The following AK4 variants were observed in gnomAD, a reference collection of about 807,000 sequenced individuals.
AK4 encodes the protein adenylate kinase 4.
AK4 carries 13 observed loss-of-function variants against 24.6 expected under a neutral mutation model. That is an observed-to-expected ratio of 0.53 (90% CI 0.34 to 0.84). The LOEUF (loss-of-function observed/expected upper bound fraction) is 0.84, where lower values mean the gene tolerates loss of function less well. Ranked by LOEUF, AK4 falls within the 40% of genes least tolerant of loss-of-function variation. The pLI, the probability that AK4 is intolerant of heterozygous loss-of-function variation, is 0.01. For missense variants in AK4, 192 were observed against 288.2 expected (o/e 0.67, Z 2.42); for synonymous variants, 88 against 107.0 (o/e 0.82, Z 1.10).
chr1:65,195,589 G>T (rs1031436213), intron 2 of AK4, among the ~76,000 whole-genome samples: 2 of 152,186 alleles, frequency 1.3e-5, no homozygotes, highest in African/African-American at 4.8e-5. Flanking sequence ...CCCGGGTGCT[G>T]CCAGACTGCC....
chr1:65,177,561 T>G (rs1650759280), intron 1 of AK4, among the ~76,000 whole-genome samples: 3 of 152,216 alleles, frequency 2.0e-5, no homozygotes, highest in African/African-American at 7.2e-5. Flanking sequence ...CGGTAAATTG[T>G]TTCCTTAATG....
In AK4 at chr1:65,228,577, C is replaced by T. The variant is rs938203843; in HGVS notation, c.*2400C>T. On this transcript the variant is annotated 3_prime_UTR_variant, in exon 5 of 5. Coordinates refer to ENST00000327299, the MANE Select transcript of AK4 (RefSeq NM_013410.4). ...GGTCTTTGAAACATAATGCTTATTT[C>T]GTGGTCAATGGCTTTAAAAAAATCT... 3.3e-5 allele frequency: 5 copies of T among 152,106 alleles called. No individual in the cohort carries two copies. The highest frequency in any genetic ancestry group is 1.9e-4 in the East Asian group (1 of 5,182). 9.4% of individuals were successfully genotyped at this position (152,106 alleles called of 1,614,324 possible).
chr1:65,189,238 TG>T (rs1409005231), intron 1 of AK4, among the ~76,000 whole-genome samples: 9 of 151,414 alleles, frequency 5.9e-5, no homozygotes, highest in Admixed American at 5.9e-4. Flanking sequence ...CCTGGCTCTT[TG>T]TGTTTTTTAA....
chr1:65,189,530 G>A (rs113166783), intron 1 of AK4, among the ~76,000 whole-genome samples: 65 of 152,038 alleles, frequency 4.3e-4, no homozygotes, highest in African/African-American at 1.5e-3. Flanking sequence ...TGCCTGCCTC[G>A]GCTTCCCAAA....
chr1:65,212,007 G>C (rs1651986466), intron 2 of AK4, among the ~76,000 whole-genome samples: 1 of 152,192 alleles, frequency 6.6e-6, no homozygotes, highest in Admixed American at 6.5e-5. Flanking sequence ...AGCAAAAGCA[G>C]AGGGAATATG....
At chr1:65,198,785 T>A (rs1651567059) in intron 2 of AK4, among the ~76,000 whole-genome samples, 1 of 152,078 alleles carries the variant, frequency 6.6e-6, no homozygotes, top group Non-Finnish European at 1.5e-5. Context: ...AAATTCTGAT[T>A]TGAGGAGACA....
chr1:65,226,038 T>C (rs1011941793), intron 4 of AK4, 25 bp from the exon 5 acceptor site: 1 of 1,609,878 alleles, frequency 6.2e-7, no homozygotes, highest in Admixed American at 1.7e-5. Flanking sequence ...TAAAAAGCCA[T>C]TGTATGTTGG....
chr1:65,187,064 GA>G (rs1651122535), intron 1 of AK4, among the ~76,000 whole-genome samples: 1 of 152,106 alleles, frequency 6.6e-6, no homozygotes, highest in South Asian at 2.1e-4. Context: ...CCATTTATAA[GA>G]AGTGTCCAGG....
chr1:65,224,483 A>AGTAC (rs1374961347), intron 3 of AK4, among the ~76,000 whole-genome samples: 1 of 152,224 alleles, frequency 6.6e-6, no homozygotes, highest in Non-Finnish European at 1.5e-5. Flanking sequence ...CTGAATTGAA[A>AGTAC]GTACCATTTA....
intron 2 of AK4, 105 bp from the exon 3 acceptor site, chr1:65,218,649 T>C: frequency 8.8e-7 from 1 of 1,141,274 alleles, no homozygotes; most frequent in Non-Finnish European, 1.2e-6. Flanking sequence ...AAAGCTCCTT[T>C]TAGAATGGTA....
chr1:65,213,879 A>ATCT (rs1271877760), intron 2 of AK4, among the ~76,000 whole-genome samples: 4 of 152,192 alleles, frequency 2.6e-5, no homozygotes, highest in African/African-American at 9.7e-5. Flanking sequence ...CCCCAATCCA[A>ATCT]TCTGACTGGC....
chr1:65,215,630 T>G (rs1652108017), intron 2 of AK4, among the ~76,000 whole-genome samples: 3 of 152,236 alleles, frequency 2.0e-5, no homozygotes, highest in African/African-American at 7.2e-5. Context: ...AATTATCATC[T>G]GTGGTCTTTA....
intron 2 of AK4, among the ~76,000 whole-genome samples, chr1:65,210,180 G>GT (rs1272413328): frequency 6.6e-6 from 1 of 152,146 alleles, no homozygotes; most frequent in Non-Finnish European, 1.5e-5. Flanking sequence ...TCTAACCAGA[G>GT]TGAGAGAGAG....
At chr1:65,162,853 GT>G (rs1321330628) in intron 1 of AK4, among the ~76,000 whole-genome samples, 1 of 152,122 alleles carries the variant, frequency 6.6e-6, no homozygotes, top group Non-Finnish European at 1.5e-5. Flanking sequence ...CTCTAGTTCT[GT>G]TTGTATGGAT....
intron 2 of AK4, among the ~76,000 whole-genome samples, chr1:65,213,323 GAAAGGGGCA>G (rs984611361): frequency 3.3e-5 from 5 of 152,300 alleles, no homozygotes; most frequent in Non-Finnish European, 7.4e-5. Flanking sequence ...GGTAGGTGAT[GAAAGGGGCA>G]AACTGAAAAC....
At chr1:65,178,078 A>G (rs1650777382) in intron 1 of AK4, among the ~76,000 whole-genome samples, 2 of 152,086 alleles carry the variant, frequency 1.3e-5, no homozygotes, top group South Asian at 4.2e-4. Context: ...GTGTAATGAG[A>G]AGTTCATCTA....
At chr1:65,195,384 A>G (rs180742419) in intron 2 of AK4, among the ~76,000 whole-genome samples, 1 of 152,224 alleles carries the variant, frequency 6.6e-6, no homozygotes, top group South Asian at 2.1e-4. Flanking sequence ...CTGGGTATTC[A>G]TCATGACTGA....
At chr1:65,173,664 C>T (rs961080584) in intron 1 of AK4, among the ~76,000 whole-genome samples, 3 of 152,080 alleles carry the variant, frequency 2.0e-5, no homozygotes, top group African/African-American at 2.4e-5. Flanking sequence ...CTCAGGAGTT[C>T]GAGCCTGGGC....
At chr1:65,182,611 C>G (rs985976179) in intron 1 of AK4, among the ~76,000 whole-genome samples, 1 of 151,846 alleles carries the variant, frequency 6.6e-6, no homozygotes, top group Non-Finnish European at 1.5e-5. Context: ...GACTTTCATT[C>G]CAGTTGATGG....
Sources: gnomAD v4.1 joint callset for allele counts (sites outside exome capture counted in the v4.1 genomes callset) on GRCh38, gnomAD v4.1.1 for gene constraint, MANE v1.5 for transcripts, NCBI Gene and HGNC (gene_info 2026-07-23, HGNC 2026-07-21) for gene names.